RNF38: variants seen among roughly 807,000 people sequenced by gnomAD.
RNF38 encodes E3 ubiquitin-protein ligase RNF38.
In RNF38, 15 loss-of-function variants were observed where a neutral mutation model predicts 67.2. That is an observed-to-expected ratio of 0.22 (90% CI 0.15 to 0.34). The LOEUF is 0.34. Among genes scored for constraint, RNF38 ranks in the 10% least tolerant of loss-of-function variants. The pLI is 1.00. For missense variants in RNF38, 524 were observed against 639.9 expected (o/e 0.82, Z 1.95); for synonymous variants, 220 against 218.8 (o/e 1.01, Z -0.05).
intron 2 of RNF38, among the ~76,000 whole-genome samples, chr9:36,416,368 G>A (rs1388659660): frequency 1.3e-5 from 2 of 152,080 alleles, no homozygotes; most frequent in African/African-American, 4.8e-5. Context: ...AGCAAGGCCG[G>A]TCTCAGTCCC....
chr9:36,424,344 A>G (rs1013671680), intron 2 of RNF38, among the ~76,000 whole-genome samples: 2 of 152,240 alleles, frequency 1.3e-5, no homozygotes, highest in African/African-American at 4.8e-5. Flanking sequence ...GCTTTGCAGA[A>G]GAGGAAGCAC....
rs1444537479 is a variant in RNF38 at position 36,469,973 on chromosome 9, T to C, written n.241+17335A>G. ...TAGCCTGAGTGACAGAGTGAAACCCTGTCTCAAAACAAAAACAAAGAAAAA... is the reference window on the plus strand; with the variant it reads ...TAGCCTGAGTGACAGAGTGAAACCCCGTCTCAAAACAAAAACAAAGAAAAA... On this transcript the variant is annotated intron_variant and non_coding_transcript_variant, in intron 1 of 3. Coordinates refer to the RNF38 transcript ENST00000488058. Among the ~76,000 whole-genome samples the C allele has an allele frequency of 4.6e-5, 7 of 152,232 alleles. No homozygotes were observed. The East Asian group carries it at 5.8e-4, about 13-fold the overall frequency.
At chr9:36,371,490 G>T (rs1284593599) in intron 3 of RNF38, among the ~76,000 whole-genome samples, 1 of 149,256 alleles carries the variant, frequency 6.7e-6, no homozygotes, top group Non-Finnish European at 1.5e-5. Flanking sequence ...TGTCACCCAG[G>T]CTGGAGTGCA....
chr9:36,417,101 G>A lies in RNF38; in HGVS notation n.312+7512C>T, dbSNP rs535743779. 1.6e-3 allele frequency among the ~76,000 whole-genome samples: 245 copies of A among 152,130 alleles called. 1 individual carries two copies. The highest frequency in any genetic ancestry group is 2.8e-3 in the Non-Finnish European group (188 of 67,988). ...ATATTTCATTTGGCTCTCTAAATTC[G>A]TATCAGCTCCAGGTAAGGTTAAATC... On this transcript the variant is annotated intron_variant and non_coding_transcript_variant, in intron 2 of 3. Coordinates refer to the RNF38 transcript ENST00000488058.
chr9:36,384,537 C>A (rs1188531646), intron 2 of RNF38, among the ~76,000 whole-genome samples: 1 of 151,980 alleles, frequency 6.6e-6, no homozygotes, highest in African/African-American at 2.4e-5. Flanking sequence ...GGAAGCCAGG[C>A]GAAGGAGGTT....
intron 1 of RNF38, among the ~76,000 whole-genome samples, chr9:36,484,039 CAG>C (rs1444057605): frequency 6.6e-6 from 1 of 152,166 alleles, no homozygotes; most frequent in African/African-American, 2.4e-5. Context: ...GGAGTGGGAA[CAG>C]AGGGGCAGCC....
At chr9:36,381,929 T>C (rs1290287156) in intron 2 of RNF38, among the ~76,000 whole-genome samples, 1 of 152,232 alleles carries the variant, frequency 6.6e-6, no homozygotes, top group Non-Finnish European at 1.5e-5. Context: ...TTTCCATTAA[T>C]ACCTATGCCA....
At chr9:36,463,413 C>T (rs573722478) in intron 1 of RNF38, among the ~76,000 whole-genome samples, 4 of 152,294 alleles carry the variant, frequency 2.6e-5, no homozygotes, top group African/African-American at 9.6e-5. Context: ...AGGAAAGTCT[C>T]ATTTCTGGAT....
At chr9:36,441,654 T>C (rs950152013) in intron 1 of RNF38, among the ~76,000 whole-genome samples, 2 of 152,110 alleles carry the variant, frequency 1.3e-5, no homozygotes, top group Non-Finnish European at 2.9e-5. Context: ...TATAATATAA[T>C]ATCACCTAGG....
intron 2 of RNF38, among the ~76,000 whole-genome samples, chr9:36,413,755 T>C (rs988770151): frequency 9.9e-5 from 15 of 152,210 alleles, no homozygotes; most frequent in African/African-American, 3.4e-4. Flanking sequence ...TTGATTCTCA[T>C]TTGGTCACTT....
intron 2 of RNF38, among the ~76,000 whole-genome samples, chr9:36,407,159 TAACAC>T (rs1419567923): frequency 6.6e-6 from 1 of 152,222 alleles, no homozygotes; most frequent in African/African-American, 2.4e-5. Context: ...CCAGAAATGT[TAACAC>T]AAATCAAAGT....
At chr9:36,433,442 T>A (rs1172582965) in intron 1 of RNF38, among the ~76,000 whole-genome samples, 2 of 151,790 alleles carry the variant, frequency 1.3e-5, no homozygotes, top group Admixed American at 1.3e-4. Flanking sequence ...TAAAAATTTT[T>A]AAAAAAGAAA....
intron 2 of RNF38, among the ~76,000 whole-genome samples, chr9:36,414,107 C>T (rs971221513): frequency 1.3e-5 from 2 of 152,076 alleles, no homozygotes; most frequent in Non-Finnish European, 2.9e-5. Context: ...TCTTTTTTCA[C>T]TCCTTTACCT....
chr9:36,448,456 G>A (rs1441355937), intron 1 of RNF38, among the ~76,000 whole-genome samples: 1 of 152,160 alleles, frequency 6.6e-6, no homozygotes, highest in South Asian at 2.1e-4. Context: ...CACATGCAGA[G>A]AGCTGTTTTC....
At chr9:36,441,613 C>T (rs1431397794) in intron 1 of RNF38, among the ~76,000 whole-genome samples, 2 of 152,144 alleles carry the variant, frequency 1.3e-5, no homozygotes, top group East Asian at 1.9e-4. Flanking sequence ...TGAGCCACCG[C>T]GCCTGGCCCC....
At chr9:36,406,386 C>T (rs1406096528) in intron 2 of RNF38, among the ~76,000 whole-genome samples, 1 of 152,252 alleles carries the variant, frequency 6.6e-6, no homozygotes, top group African/African-American at 2.4e-5. Context: ...CATTGGTTAA[C>T]ACTGTCAGTA....
At chr9:36,400,480 GGCCCC>G (rs2134149985), upstream of RNF38, 1 of 1,013,954 alleles carries the variant, frequency 9.9e-7, no homozygotes, top group East Asian at 9.5e-5. Context: ...ACTCGGGCGC[GGCCCC>G]GCAGGCTCTC....
At chr9:36,487,285 T>A in intron 1 of RNF38, 1 of 984,586 alleles carries the variant, frequency 1.0e-6, no homozygotes, top group Non-Finnish European at 1.2e-6. Context: ...CCTCCCTGCC[T>A]GGCCCGCTCC....
At chr9:36,463,895 C>T (rs568727126) in intron 1 of RNF38, among the ~76,000 whole-genome samples, 7 of 152,280 alleles carry the variant, frequency 4.6e-5, no homozygotes, top group Admixed American at 2.0e-4. Flanking sequence ...AGGCCAGGTG[C>T]GGTGGCTCAC....
Sources: allele counts gnomAD v4.1 joint callset (sites outside exome capture counted in the v4.1 genomes callset), GRCh38; gene constraint gnomAD v4.1.1; transcripts MANE v1.5; gene names NCBI Gene and HGNC (gene_info 2026-07-23, HGNC 2026-07-21).